The following SGCZ variants were observed in gnomAD, a reference collection of about 807,000 sequenced individuals.
SGCZ encodes zeta-sarcoglycan.
SGCZ carries 40 observed loss-of-function variants against 41.3 expected under a neutral mutation model. That is an observed-to-expected ratio of 0.97 (90% CI 0.75 to 1.26). SGCZ has a LOEUF of 1.26. Ranked by LOEUF, SGCZ falls within the 50% of genes most tolerant of loss-of-function variation. SGCZ has a pLI of 0.00. For missense variants in SGCZ, 552 were observed against 369.8 expected, an observed-to-expected ratio of 1.49 and a Z score of -4.04; for synonymous variants, 206 against 137.5, an observed-to-expected ratio of 1.50 and a Z score of -3.49.
chr8:14,464,797 C>G (rs777170761), intron 2 of SGCZ, among the ~76,000 whole-genome samples: 2 of 151,434 alleles, frequency 1.3e-5, no homozygotes, highest in Non-Finnish European at 1.5e-5. Context: ...TATTTCCATT[C>G]ACCTCTAAAT....
At chr8:14,488,673 C>T (rs1416625928) in intron 2 of SGCZ, among the ~76,000 whole-genome samples, 1 of 152,104 alleles carries the variant, frequency 6.6e-6, no homozygotes, top group Non-Finnish European at 1.5e-5. Context: ...TTAGAAAACA[C>T]ATGTGGCCTA....
chr8:14,672,287 G>A (rs1275450732), intron 1 of SGCZ, among the ~76,000 whole-genome samples: 1 of 152,082 alleles, frequency 6.6e-6, no homozygotes, highest in African/African-American at 2.4e-5. Flanking sequence ...TCTGCCATTT[G>A]CTAAGCTGTT....
intron 3 of SGCZ, among the ~76,000 whole-genome samples, chr8:14,266,803 T>C (rs1001242514): frequency 6.6e-6 from 1 of 152,030 alleles, no homozygotes; most frequent in Admixed American, 6.6e-5. Context: ...TAAATTATGA[T>C]GAAACTTCAG....
intron 1 of SGCZ, among the ~76,000 whole-genome samples, chr8:14,718,548 G>A (rs1809773730): frequency 6.6e-6 from 1 of 152,024 alleles, no homozygotes; most frequent in Non-Finnish European, 1.5e-5. Context: ...ACTAATGGCT[G>A]TGGACGCAAA....
chr8:14,934,753 C>T (rs180757961), intron 1 of SGCZ, among the ~76,000 whole-genome samples: 8 of 151,522 alleles, frequency 5.3e-5, no homozygotes, highest in African/African-American at 1.9e-4. Context: ...TAAATAAATA[C>T]ATACCTAGAC....
At chr8:14,686,106 T>G (rs1808602155) in intron 1 of SGCZ, among the ~76,000 whole-genome samples, 1 of 152,096 alleles carries the variant, frequency 6.6e-6, no homozygotes, top group Admixed American at 6.5e-5. Flanking sequence ...TCACCTCCTA[T>G]CCAGGTAGTG....
Position 14,776,710 on chromosome 8 carries a change from G to T in SGCZ, c.40-221784C>A, listed in dbSNP as rs1335310560. On this transcript the variant is annotated intron_variant, in intron 1 of 7. Transcript: ENST00000382080. ...GGGTTTCACCGTGTTAGCCAGGATG[G>T]TCTCCATCTCCTGACCTTGTGACCC... Among the ~76,000 whole-genome samples, 5 of 151,678 alleles carry T rather than the reference G, an allele frequency of 3.3e-5. No homozygotes were observed. In the East Asian group the frequency reaches 9.7e-4, roughly 30 times the overall value.
intron 1 of SGCZ, among the ~76,000 whole-genome samples, chr8:15,145,176 C>G (rs935979081): frequency 5.3e-5 from 8 of 152,176 alleles, no homozygotes; most frequent in African/African-American, 1.9e-4. Context: ...ATAACTAATT[C>G]TTTACGATTC....
intron 3 of SGCZ, among the ~76,000 whole-genome samples, chr8:14,263,865 C>G (rs1054820194): frequency 6.6e-5 from 10 of 152,196 alleles, no homozygotes; most frequent in African/African-American, 2.4e-4. Flanking sequence ...ACAAAACTCT[C>G]AGGAAGCGAG....
At chr8:14,537,027 A>G (rs1362390738) in intron 2 of SGCZ, among the ~76,000 whole-genome samples, 1 of 151,906 alleles carries the variant, frequency 6.6e-6, no homozygotes, top group Non-Finnish European at 1.5e-5. Flanking sequence ...TATGATTTTA[A>G]CACAAGCCAG....
At chr8:14,700,870 G>T (rs1000130959) in intron 1 of SGCZ, among the ~76,000 whole-genome samples, 2 of 147,684 alleles carry the variant, frequency 1.4e-5, no homozygotes, top group African/African-American at 2.4e-5. Flanking sequence ...CATTATTAAA[G>T]GAGGACTGAA....
chr8:14,892,914 G>T (rs1805066526), intron 1 of SGCZ, among the ~76,000 whole-genome samples: 2 of 152,144 alleles, frequency 1.3e-5, no homozygotes, highest in South Asian at 4.1e-4. Context: ...CTTAGACCAA[G>T]AAGTTTGCAC....
At chr8:14,242,343 A>G (rs557533489) in intron 3 of SGCZ, among the ~76,000 whole-genome samples, 55 of 152,286 alleles carry the variant, frequency 3.6e-4, no homozygotes, top group African/African-American at 1.3e-3. Context: ...CATATATGAG[A>G]TCATCCAGTT....
intron 1 of SGCZ, among the ~76,000 whole-genome samples, chr8:14,560,370 A>T (rs1804172356): frequency 6.6e-6 from 1 of 152,036 alleles, no homozygotes; most frequent in Non-Finnish European, 1.5e-5. Context: ...AAAAAGCAGA[A>T]TTTTAAAAAT....
At chr8:14,586,790 TCA>T (rs1482009949) in intron 1 of SGCZ, among the ~76,000 whole-genome samples, 1 of 152,158 alleles carries the variant, frequency 6.6e-6, no homozygotes, top group African/African-American at 2.4e-5. Context: ...ATAATATTAT[TCA>T]TAAATTAGTT....
chr8:14,972,275 C>G (rs916867161), intron 1 of SGCZ, among the ~76,000 whole-genome samples: 1 of 151,860 alleles, frequency 6.6e-6, no homozygotes, highest in African/African-American at 2.4e-5. Context: ...AATGTTTCCT[C>G]TGTCATTTCT....
chr8:14,379,568 A>G (rs1342145731), intron 2 of SGCZ, among the ~76,000 whole-genome samples: 1 of 152,212 alleles, frequency 6.6e-6, no homozygotes, highest in Non-Finnish European at 1.5e-5. Flanking sequence ...TATAAAATTC[A>G]TGAAATCCAC....
At chr8:14,744,857 C>T (rs142995401) in intron 1 of SGCZ, among the ~76,000 whole-genome samples, 3 of 152,180 alleles carry the variant, frequency 2.0e-5, no homozygotes, top group East Asian at 1.9e-4. Context: ...CAGGGACTAT[C>T]GTCTTCTCTT....
intron 1 of SGCZ, among the ~76,000 whole-genome samples, chr8:14,891,512 T>C (rs1464185213): frequency 6.6e-6 from 1 of 152,190 alleles, no homozygotes; most frequent in Admixed American, 6.5e-5. Context: ...GAGTTACTTC[T>C]TATGGATGAG....
Sources: allele counts gnomAD v4.1 joint callset (sites outside exome capture counted in the v4.1 genomes callset), GRCh38; gene constraint gnomAD v4.1.1; transcripts MANE v1.5; gene names NCBI Gene and HGNC (gene_info 2026-07-23, HGNC 2026-07-21).